COL10A1: variants seen among roughly 807,000 people sequenced by gnomAD.
COL10A1 encodes collagen type X alpha 1 chain, also known as collagen alpha-1(X) chain.
In COL10A1, 10 loss-of-function variants were observed where a neutral mutation model predicts 18.2. The observed-to-expected ratio is 0.55, with a 90% CI of 0.34 to 0.93. The LOEUF (loss-of-function observed/expected upper bound fraction) is 0.93, where lower values mean the gene tolerates loss of function less well. Ranked by LOEUF, COL10A1 falls within the 40% of genes least tolerant of loss-of-function variation. The probability of loss-of-function intolerance (pLI) is 0.02; values close to 1 mark genes in which losing one functional copy is unlikely to be tolerated. For missense variants in COL10A1, 897 were observed against 853.5 expected (o/e 1.05, Z -0.64); for synonymous variants, 330 against 316.6 (o/e 1.04, Z -0.45).
At chr6:116,173,360 T>C in the COL10A1 span, among the ~76,000 whole-genome samples, 7 of 152,184 alleles carry the variant, frequency 4.6e-5, no homozygotes, top group African/African-American at 1.7e-4. Flanking sequence ...CAATCTGAAG[T>C]TGAAATACCT....
chr6:116,143,920 T>G (rs1416518025), intron 1 of COL10A1, among the ~76,000 whole-genome samples: 1 of 152,198 alleles, frequency 6.6e-6, no homozygotes, highest in Non-Finnish European at 1.5e-5. Context: ...ACCAAAATAT[T>G]TGTAATGCTT....
the COL10A1 span, among the ~76,000 whole-genome samples, chr6:116,191,370 G>A: frequency 6.6e-6 from 1 of 152,000 alleles, no homozygotes; most frequent in Non-Finnish European, 1.5e-5. Flanking sequence ...TGTACTTACT[G>A]TGTGATGGCC....
chr6:116,133,576 G>A (rs886328451), intron 1 of COL10A1, among the ~76,000 whole-genome samples: 3 of 152,044 alleles, frequency 2.0e-5, no homozygotes, highest in African/African-American at 4.8e-5. Context: ...GAAACCCATC[G>A]TCAAAACGGA....
chr6:116,204,883 C>T, the COL10A1 span, among the ~76,000 whole-genome samples: 4 of 151,924 alleles, frequency 2.6e-5, no homozygotes, highest in Non-Finnish European at 5.9e-5. Context: ...GATTTAAGTA[C>T]GTGGCTAGAT....
At chr6:116,123,883 T>C (rs903630521) in intron 2 of COL10A1, among the ~76,000 whole-genome samples, 11 of 152,246 alleles carry the variant, frequency 7.2e-5, no homozygotes, top group African/African-American at 9.6e-5. Context: ...TAGTGCATTT[T>C]CTTTTTAATT....
the COL10A1 span, among the ~76,000 whole-genome samples, chr6:116,196,480 A>AG: frequency 4.6e-5 from 7 of 152,138 alleles, no homozygotes; most frequent in East Asian, 1.9e-4. Context: ...AGTTTGATCT[A>AG]GGGAAAAAAA....
At chr6:116,162,203 A>G (rs1173930779), upstream of COL10A1, among the ~76,000 whole-genome samples, 1 of 152,160 alleles carries the variant, frequency 6.6e-6, no homozygotes, top group Non-Finnish European at 1.5e-5. Context: ...TTTTAAATGT[A>G]AGATTATGTC....
At chr6:116,198,199 C>A in the COL10A1 span, among the ~76,000 whole-genome samples, 1 of 152,072 alleles carries the variant, frequency 6.6e-6, no homozygotes, top group African/African-American at 2.4e-5. Context: ...TAGTGAACAA[C>A]AGTTTCTGGG....
chr6:116,135,513 A>G (rs755779941), intron 1 of COL10A1, among the ~76,000 whole-genome samples: 7 of 151,920 alleles, frequency 4.6e-5, no homozygotes, highest in Admixed American at 3.3e-4. Context: ...TGCTTGGACA[A>G]AATTAACTTT....
chr6:116,211,796 G>T, the COL10A1 span, among the ~76,000 whole-genome samples: 3 of 152,110 alleles, frequency 2.0e-5, no homozygotes, highest in African/African-American at 7.2e-5. Flanking sequence ...TTGTTGTACT[G>T]TGCAAATCTA....
chr6:116,167,627 T>C, the COL10A1 span, among the ~76,000 whole-genome samples: 1 of 152,208 alleles, frequency 6.6e-6, no homozygotes, highest in Admixed American at 6.5e-5. Flanking sequence ...TTTACTTCCT[T>C]CTTTTCTTAC....
At chr6:116,189,292 G>A in the COL10A1 span, among the ~76,000 whole-genome samples, 1 of 151,754 alleles carries the variant, frequency 6.6e-6, no homozygotes, top group Non-Finnish European at 1.5e-5. Context: ...TTGTGCATGT[G>A]TATATTTTTT....
At chr6:116,174,428 A>G in the COL10A1 span, among the ~76,000 whole-genome samples, 1 of 152,344 alleles carries the variant, frequency 6.6e-6, no homozygotes, top group South Asian at 2.1e-4. Context: ...CTGAAGGAAA[A>G]GACGATATGC....
chr6:116,185,969 A>T, the COL10A1 span, among the ~76,000 whole-genome samples: 1 of 151,882 alleles, frequency 6.6e-6, no homozygotes, highest in African/African-American at 2.4e-5. Flanking sequence ...AGATCCTGTG[A>T]GATTTATGCT....
the COL10A1 span, among the ~76,000 whole-genome samples, chr6:116,170,818 C>T: frequency 6.6e-6 from 1 of 152,146 alleles, no homozygotes; most frequent in Non-Finnish European, 1.5e-5. Context: ...GAAGATCTTG[C>T]AGTTCTCACT....
At chr6:116,159,117 CAGA>C (rs1445884900), upstream of COL10A1, among the ~76,000 whole-genome samples, 5 of 152,172 alleles carry the variant, frequency 3.3e-5, no homozygotes, top group East Asian at 9.6e-4. Context: ...TGGAATTCCA[CAGA>C]AGGATATCTT....
At chr6:116,188,409 T>G in the COL10A1 span, among the ~76,000 whole-genome samples, 5 of 152,028 alleles carry the variant, frequency 3.3e-5, no homozygotes, top group East Asian at 1.9e-4. Flanking sequence ...CAAATATCCC[T>G]CAATAGTGCA....
At chr6:116,122,007 G>T in intron 2 of COL10A1, 46 bp from the exon 3 acceptor site, 2 of 1,525,348 alleles carry the variant, frequency 1.3e-6, no homozygotes, top group Non-Finnish European at 1.8e-6. Context: ...GGGATGGTTA[G>T]TGACATTAAA....
the COL10A1 span, among the ~76,000 whole-genome samples, chr6:116,181,126 T>TCAA: frequency 6.6e-6 from 1 of 151,984 alleles, no homozygotes; most frequent in Non-Finnish European, 1.5e-5. Context: ...AGATTAATAA[T>TCAA]TATTGAAGTC....
Sources: allele counts gnomAD v4.1 joint callset (sites outside exome capture counted in the v4.1 genomes callset), GRCh38; gene constraint gnomAD v4.1.1; transcripts MANE v1.5; gene names NCBI Gene and HGNC (gene_info 2026-07-23, HGNC 2026-07-21).